Variants in LINGO1 observed in about 807,000 individuals in gnomAD.
The protein encoded by LINGO1 is leucine-rich repeat and immunoglobulin-like domain-containing nogo receptor-interacting protein 1.
Under a neutral mutation model 37.3 loss-of-function variants are expected in LINGO1, and 11 were observed. That is an observed-to-expected ratio of 0.29 (90% CI 0.19 to 0.49). The LOEUF (loss-of-function observed/expected upper bound fraction) is 0.49. Ranked by LOEUF, LINGO1 falls within the 20% of genes least tolerant of loss-of-function variation. LINGO1 has a pLI of 0.99. For missense variants in LINGO1, 585 were observed against 878.2 expected, an observed-to-expected ratio of 0.67 and a Z score of 4.22; for synonymous variants, 387 against 403.0, an observed-to-expected ratio of 0.96 and a Z score of 0.48.
intron 1 of LINGO1, among the ~76,000 whole-genome samples, chr15:77,762,111 C>T (rs1434536543): frequency 6.6e-6 from 1 of 152,190 alleles, no homozygotes; most frequent in Non-Finnish European, 1.5e-5. Context: ...CCTGAGGCTT[C>T]CTGGTACTTG....
intron 3 of LINGO1, among the ~76,000 whole-genome samples, chr15:77,668,615 G>A (rs181806437): frequency 5.2e-4 from 79 of 152,242 alleles, no homozygotes; most frequent in African/African-American, 1.7e-3. Context: ...CACGACGCAT[G>A]CGCAGGAATA....
chr15:77,734,294 A>C (rs1304445456), intron 2 of LINGO1, among the ~76,000 whole-genome samples: 1 of 151,894 alleles, frequency 6.6e-6, no homozygotes, highest in East Asian at 1.9e-4. Context: ...CCAAATTAAA[A>C]CCAGAATTCC....
intron 3 of LINGO1, among the ~76,000 whole-genome samples, chr15:77,670,376 C>A (rs1386289508): frequency 2.6e-5 from 4 of 152,144 alleles, no homozygotes; most frequent in Non-Finnish European, 4.4e-5. Flanking sequence ...TTTTTAAAAC[C>A]AAATTGTTTA....
chr15:77,614,352 G>A lies in LINGO1; in HGVS notation c.1555C>T (p.Pro519Ser), dbSNP rs1264503627. The change falls in exon 2 of 2, where the codon CCC (proline) becomes TCC (serine). Residue 519 changes from proline (P) to serine (S), a missense_variant. Pro to Ser is a moderately conservative substitution (Grantham distance 74). Transcript: ENST00000355300. The stretch of plus-strand genomic sequence containing the variant: ...TTGTTGGGCTGATGGGGCCAGTCGG[G>A]CGAGTAGCTGCGCACATGCAGGTGG... Reference protein sequence around the residue: ...PAHLHVRSYSPDWPHQPNKTF... With the variant: ...PAHLHVRSYSSDWPHQPNKTF... The A allele has an allele frequency of 1.2e-6, 2 of 1,613,898 alleles. No individual in the cohort carries two copies. The highest frequency in any genetic ancestry group is 1.1e-5 in the South Asian group (1 of 91,090).
At chr15:77,664,130 A>AGAGT (rs1555527544) in intron 3 of LINGO1, among the ~76,000 whole-genome samples, 3 of 130,300 alleles carry the variant, frequency 2.3e-5, no homozygotes, top group East Asian at 2.2e-4. Context: ...ACACAGGAGC[A>AGAGT]GTGTGTGTGT....
At chr15:77,770,667 G>A (rs1441329268) in intron 1 of LINGO1, among the ~76,000 whole-genome samples, 16 of 150,288 alleles carry the variant, frequency 1.1e-4, no homozygotes, top group Non-Finnish European at 2.4e-4. Context: ...CTCACTCCAC[G>A]AAGAGGGGGT....
chr15:77,727,360 C>A (rs1351358051), intron 2 of LINGO1, among the ~76,000 whole-genome samples: 1 of 152,086 alleles, frequency 6.6e-6, no homozygotes, highest in African/African-American at 2.4e-5. Context: ...AACAGATGAA[C>A]AGATAAACAA....
intron 1 of LINGO1, among the ~76,000 whole-genome samples, chr15:77,775,035 C>T (rs532828198): frequency 2.6e-5 from 4 of 152,346 alleles, no homozygotes; most frequent in African/African-American, 9.6e-5. Flanking sequence ...GCCTCAGAGG[C>T]GATGCATGTT....
intron 3 of LINGO1, among the ~76,000 whole-genome samples, chr15:77,654,601 T>C (rs1164336159): frequency 6.6e-6 from 1 of 151,640 alleles, no homozygotes; most frequent in Non-Finnish European, 1.5e-5. Flanking sequence ...CCACCGGAGA[T>C]GCTAGATAGG....
intron 3 of LINGO1, among the ~76,000 whole-genome samples, chr15:77,654,720 G>T (rs2074831680): frequency 6.6e-6 from 1 of 151,810 alleles, no homozygotes; most frequent in African/African-American, 2.4e-5. Context: ...TGGCTCTGCT[G>T]CCACTAGCTG....
At chr15:77,757,066 T>C (rs975419742) in intron 1 of LINGO1, among the ~76,000 whole-genome samples, 10 of 152,180 alleles carry the variant, frequency 6.6e-5, no homozygotes, top group Non-Finnish European at 1.5e-4. Flanking sequence ...CCACAGTCTT[T>C]GGGCAAGGTT....
In LINGO1 at chr15:77,755,324, C is replaced by T. The variant is rs535598533; in HGVS notation, c.-256-20271G>A. ...TCAAAAGAGGGAACTCTGGGGTCAACAGGCTCCAGCCCCAAAGCAAGCTAA... is the reference window on the plus strand; with the variant it reads ...TCAAAAGAGGGAACTCTGGGGTCAATAGGCTCCAGCCCCAAAGCAAGCTAA... On this transcript the variant is annotated intron_variant, in intron 1 of 3. Coordinates refer to the LINGO1 transcript ENST00000561686. Among the ~76,000 whole-genome samples the T allele has an allele frequency of 1.3e-3, 195 of 152,362 alleles. 3 individuals are homozygous for T. The highest frequency in any genetic ancestry group is 4.6e-4 in the Non-Finnish European group (31 of 68,036).
At position 77,685,040 on chromosome 15, in the gene LINGO1, G is replaced by A. The variant is rs549096511; in HGVS notation, c.-99+5680C>T. ...GGGGTGTGGACAGATAGAGTTGGGGGAGGGAAGCTCCAGGGGCCAGAGGCA... is the reference window on the plus strand; with the variant it reads ...GGGGTGTGGACAGATAGAGTTGGGGAAGGGAAGCTCCAGGGGCCAGAGGCA... On this transcript the variant is annotated intron_variant, in intron 2 of 3. Coordinates refer to the LINGO1 transcript ENST00000559893. Among the ~76,000 whole-genome samples the A allele has an allele frequency of 7.3e-5, 11 of 150,724 alleles. 1 individual carries two copies. In the East Asian group the frequency reaches 2.2e-3, roughly 30 times the overall value.
chr15:77,633,923 C>T (rs1036339946), upstream of LINGO1, among the ~76,000 whole-genome samples: 1 of 152,240 alleles, frequency 6.6e-6, no homozygotes. Context: ...CTCCTTGAAG[C>T]CAGACGCCCT....
At chr15:77,795,597 C>T (rs1356222590) in intron 2 of LINGO1, among the ~76,000 whole-genome samples, 1 of 152,236 alleles carries the variant, frequency 6.6e-6, no homozygotes, top group African/African-American at 2.4e-5. Context: ...TGGCTCCCTC[C>T]TGACCTGAAG....
chr15:77,795,263 C>T (rs2076863697), intron 2 of LINGO1, among the ~76,000 whole-genome samples: 1 of 152,190 alleles, frequency 6.6e-6, no homozygotes, highest in Non-Finnish European at 1.5e-5. Context: ...CCATCTCCCA[C>T]TTCTCTGGAA....
chr15:77,643,722 C>T (rs1596036567), intron 3 of LINGO1, among the ~76,000 whole-genome samples: 1 of 152,328 alleles, frequency 6.6e-6, no homozygotes, highest in Non-Finnish European at 1.5e-5. Flanking sequence ...GAGGGCAGCA[C>T]CCACAGCCCT....
At chr15:77,705,206 C>CA (rs57434698) in intron 2 of LINGO1, among the ~76,000 whole-genome samples, 2 of 149,108 alleles carry the variant, frequency 1.3e-5, no homozygotes, top group African/African-American at 5.1e-5. Context: ...CACACACACA[C>CA]CAGTCCACTT....
In LINGO1 at chr15:77,659,520, G is replaced by A. The variant is rs1308482778; in HGVS notation, c.-13+17569C>T. Among the ~76,000 whole-genome samples the A allele has an allele frequency of 2.0e-5, 3 of 152,266 alleles. No individual in the cohort carries two copies. In the East Asian group the frequency reaches 5.8e-4, roughly 29 times the overall value. On this transcript the variant is annotated intron_variant, in intron 3 of 3. Transcript: ENST00000559893. ...CTGACCAGAACCATGTTCCAGTTGTGGACATGGAGGCTCAGAGAGGGCATG... is the reference window on the plus strand; with the variant it reads ...CTGACCAGAACCATGTTCCAGTTGTAGACATGGAGGCTCAGAGAGGGCATG...
Sources: allele counts gnomAD v4.1 joint callset (sites outside exome capture counted in the v4.1 genomes callset), GRCh38; gene constraint gnomAD v4.1.1; transcripts MANE v1.5; gene names NCBI Gene and HGNC (gene_info 2026-07-23, HGNC 2026-07-21).